AMBP: variants seen among roughly 807,000 people sequenced by gnomAD.
AMBP encodes protein AMBP.
A neutral mutation model predicts 46.3 loss-of-function variants in AMBP; 37 were observed. The ratio of observed to expected loss-of-function variants is 0.80; its 90% CI spans 0.61 to 1.05. AMBP has a LOEUF of 1.05. Among genes scored for constraint, AMBP ranks in the 50% least tolerant of loss-of-function variants. The probability of loss-of-function intolerance (pLI) is 0.00; values close to 1 mark genes in which losing one functional copy is unlikely to be tolerated. For synonymous variants in AMBP, 174 were observed against 175.9 expected (o/e 0.99, Z 0.09); for missense variants, 475 against 461.2 (o/e 1.03, Z -0.27).
At position 114,062,735 on chromosome 9, in the gene AMBP, G is replaced by C; in HGVS notation, c.627C>G (p.Pro209=). The part of the protein sequence containing the change: ...LIPRVRRAVL[P]QEEEGSGGGQ... Reference sequence around the variant, plus strand: ...CACCCCCTGATCCTTCCTCTTCTTGGGGTAGCACAGCCCTCCGGACTCTCT... The same window carrying C: ...CACCCCCTGATCCTTCCTCTTCTTGCGGTAGCACAGCCCTCCGGACTCTCT... The change falls in exon 7 of 10, where the codon CCC becomes CCG. Residue 209 remains proline (P), a synonymous_variant. Coordinates refer to ENST00000265132, the MANE Select transcript of AMBP (RefSeq NM_001633.4). 6.2e-7 allele frequency: 1 copy of C among 1,614,022 alleles called. No individual in the cohort carries two copies. Among genetic ancestry groups the C allele is most frequent in the Non-Finnish European group, 8.5e-7 (1 of 1,180,006 alleles).
chr9:114,060,401 G>T (rs1846621924), intron 9 of AMBP, 131 bp from the exon 10 acceptor site: 5 of 1,017,418 alleles, frequency 4.9e-6, no homozygotes, highest in South Asian at 3.6e-5. Context: ...TCCATGAAAT[G>T]ATCAGATTTT....
chr9:114,061,384 T>C, intron 8 of AMBP, 40 bp downstream of exon 8: 1 of 1,612,964 alleles, frequency 6.2e-7, no homozygotes, highest in South Asian at 1.1e-5. Context: ...GACAGGGTCT[T>C]GAGGGTGCAG....
At chr9:114,077,097 T>C (rs555869623) in intron 1 of AMBP, among the ~76,000 whole-genome samples, 2 of 152,230 alleles carry the variant, frequency 1.3e-5, no homozygotes, top group Admixed American at 1.3e-4. Flanking sequence ...CCTCCAATGA[T>C]GGGGTGCTCC....
intron 5 of AMBP, among the ~76,000 whole-genome samples, chr9:114,070,579 G>A (rs1846734754): frequency 2.0e-5 from 3 of 152,258 alleles, no homozygotes; most frequent in Non-Finnish European, 2.9e-5. Context: ...CAGTTGGGCA[G>A]AGAGGGCCCC....
In AMBP at chr9:114,068,537, C is replaced by T. The variant is rs560905503; in HGVS notation, c.603+1162G>A. Among the ~76,000 whole-genome samples, 7 of 151,670 alleles carry T rather than the reference C, an allele frequency of 4.6e-5. No homozygotes were observed. The South Asian group carries it at 1.0e-3, about 23-fold the overall frequency. ...AAGAGAATCACTTGAACCCGGGAGGCGGAGGTTGAAGTGAGCCAAGATCAT... is the reference window on the plus strand; with the variant it reads ...AAGAGAATCACTTGAACCCGGGAGGTGGAGGTTGAAGTGAGCCAAGATCAT... On this transcript the variant is annotated intron_variant, in intron 6 of 9. Transcript: ENST00000265132.
At chr9:114,076,572 C>A (rs1846810417) in intron 2 of AMBP, 26 bp downstream of exon 2, 10 of 1,609,734 alleles carry the variant, frequency 6.2e-6, no homozygotes, top group Non-Finnish European at 8.5e-6. Flanking sequence ...TCTCTCTCAG[C>A]TTTCCAGCCC....
intron 2 of AMBP, 135 bp downstream of exon 2, chr9:114,076,463 C>A (rs2567700): frequency 0.28 from 349,764 of 1,268,406 alleles, 50,540 homozygotes; most frequent in East Asian, 0.46. Context: ...GGTGGAGGAG[C>A]GTAGAGGGAT....
chr9:114,075,671 T>G (rs2134856430), intron 2 of AMBP, among the ~76,000 whole-genome samples: 1 of 152,234 alleles, frequency 6.6e-6, no homozygotes, highest in South Asian at 2.1e-4. Context: ...ATTGCGTGGG[T>G]CAGGCAGGCA....
chr9:114,061,181 C>A, intron 8 of AMBP, 83 bp from the exon 9 acceptor site: 2 of 1,516,684 alleles, frequency 1.3e-6, no homozygotes, highest in Middle Eastern at 3.5e-4. Context: ...AGCCAGAGGG[C>A]CCTGCTCATC....
intron 4 of AMBP, 97 bp downstream of exon 4, chr9:114,073,939 A>G (rs1846773563): frequency 1.7e-6 from 2 of 1,176,746 alleles, no homozygotes; most frequent in Non-Finnish European, 2.5e-6. Context: ...GTCAGAAGGA[A>G]AAAGCAAAAC....
At chr9:114,067,256 TAG>T (rs1427265728) in intron 6 of AMBP, among the ~76,000 whole-genome samples, 1 of 151,568 alleles carries the variant, frequency 6.6e-6, no homozygotes, top group Non-Finnish European at 1.5e-5. Context: ...ATATTTTAAA[TAG>T]AGACAAGGTC....
At position 114,061,398 on chromosome 9, in the gene AMBP, G is replaced by A. The variant is rs575727482; in HGVS notation, c.853+26C>T. On this transcript the variant is annotated intron_variant, in intron 8 of 9. Transcript: ENST00000265132. ...GGACAGGGTCTTGAGGGTGCAGAGCGCACAGGGGTGGGGACCCGCACTCAC... is the reference window on the plus strand; with the variant it reads ...GGACAGGGTCTTGAGGGTGCAGAGCACACAGGGGTGGGGACCCGCACTCAC... The A allele has an allele frequency of 2.8e-5, 45 of 1,613,812 alleles. No individual in the cohort carries two copies. The South Asian group carries it at 3.0e-4, about 11-fold the overall frequency.
At chr9:114,068,314 A>G (rs1273982519) in intron 6 of AMBP, among the ~76,000 whole-genome samples, 2 of 152,078 alleles carry the variant, frequency 1.3e-5, no homozygotes, top group Non-Finnish European at 2.9e-5. Context: ...AAAAAAAATC[A>G]AAAGTCCAGG....
rs186276066 is a variant in AMBP, at chr9:114,077,043, C to A, written c.118-303G>T. Among the ~76,000 whole-genome samples, 10 of 152,308 alleles carry A rather than the reference C, an allele frequency of 6.6e-5. No individual in the cohort carries two copies. In the East Asian group the frequency reaches 1.4e-3, roughly 21 times the overall value. ...CAAGATGTGGGATCTGTCCATAGCT[C>A]CATCAACCACTGCTCCCCAAGAGCT... On this transcript the variant is annotated intron_variant, in intron 1 of 9. Transcript: ENST00000265132.
chr9:114,066,076 T>C (rs1017192953), intron 6 of AMBP, among the ~76,000 whole-genome samples: 1 of 152,046 alleles, frequency 6.6e-6, no homozygotes, highest in African/African-American at 2.4e-5. Context: ...TTACCCAAGG[T>C]CATGCGCACC....
In AMBP at chr9:114,060,957, T is replaced by C. The variant is rs765855517; in HGVS notation, c.995A>G (p.Glu332Gly). 3.1e-6 allele frequency: 5 copies of C among 1,614,098 alleles called. No individual in the cohort carries two copies. The highest frequency in any genetic ancestry group is 1.3e-5 in the African/African-American group (1 of 74,946). Residue 332 changes from glutamate (E) to glycine (G), a missense_variant, in exon 9 of 10, where the codon GAG becomes GGG. Physicochemically the swap from Glu to Gly is moderately conservative, Grantham distance 98 (BLOSUM62 -2). Transcript: ENST00000265132. ...GNGNKFYSEK[E>G]CREYCGVPGD... ...AGGGACACCGCAGTACTCTCTGCAC[T>C]CCTTCTCTGAGTAGAACTTGTTCCC... is the stretch of plus-strand genomic sequence containing the variant.
At chr9:114,073,192 A>T (rs1334750226) in intron 4 of AMBP, among the ~76,000 whole-genome samples, 166 bp from the exon 5 acceptor site, 1 of 152,102 alleles carries the variant, frequency 6.6e-6, no homozygotes, top group Non-Finnish European at 1.5e-5. Flanking sequence ...CAAGAGGAAG[A>T]GGGGTCTCTC....
intron 8 of AMBP, 102 bp downstream of exon 8, chr9:114,061,322 T>A: frequency 6.4e-7 from 1 of 1,557,984 alleles, no homozygotes; most frequent in Non-Finnish European, 8.8e-7. Context: ...GTTCTACCAC[T>A]GGAATGCCCT....
chr9:114,060,851 A>C, intron 9 of AMBP, 74 bp downstream of exon 9: 1 of 1,508,072 alleles, frequency 6.6e-7, no homozygotes, highest in Admixed American at 1.9e-5. Context: ...CCAGACCCCT[A>C]CTCCTCCCAG....
Sources: allele counts gnomAD v4.1 joint callset (sites outside exome capture counted in the v4.1 genomes callset), GRCh38; gene constraint gnomAD v4.1.1; transcripts MANE v1.5; gene names NCBI Gene and HGNC (gene_info 2026-07-23, HGNC 2026-07-21).